AGBL1: variants seen among roughly 807,000 people sequenced by gnomAD.
AGBL1 encodes the protein cytosolic carboxypeptidase 4.
A neutral mutation model predicts 118.9 loss-of-function variants in AGBL1; 130 were observed. The ratio of observed to expected loss-of-function variants is 1.09; its 90% confidence interval spans 0.95 to 1.26. The LOEUF (loss-of-function observed/expected upper bound fraction) is 1.26. Among genes scored for constraint, AGBL1 ranks in the 50% most tolerant of loss-of-function variants. The pLI is 0.00. For synonymous variants in AGBL1, 555 were observed against 478.9 expected (o/e 1.16, Z -2.08); for missense variants, 1,584 against 1,298.1 (o/e 1.22, Z -3.38).
chr15:86,243,521 G>C (rs2078670700), intron 6 of AGBL1, among the ~76,000 whole-genome samples: 1 of 152,186 alleles, frequency 6.6e-6, no homozygotes, highest in South Asian at 2.1e-4. Context: ...GTTGTTCATG[G>C]ATTTGCCAAA....
intron 18 of AGBL1, among the ~76,000 whole-genome samples, chr15:86,467,168 G>GCC (rs753661760): frequency 1.9e-4 from 29 of 152,230 alleles, no homozygotes; most frequent in Non-Finnish European, 3.2e-4. Context: ...GAGAGGCCCT[G>GCC]CCCCGAGAGG....
intron 22 of AGBL1, among the ~76,000 whole-genome samples, chr15:86,745,848 A>G (rs1355953305): frequency 1.3e-5 from 2 of 152,034 alleles, no homozygotes; most frequent in African/African-American, 4.8e-5. Context: ...AACCCCAGGC[A>G]CTTGGTCTCA....
At chr15:86,998,258 T>C (rs151276856) in intron 24 of AGBL1, among the ~76,000 whole-genome samples, 13 of 152,328 alleles carry the variant, frequency 8.5e-5, no homozygotes, top group African/African-American at 2.6e-4. Context: ...CTGTAACATT[T>C]GTATTTCAAG....
intron 17 of AGBL1, among the ~76,000 whole-genome samples, chr15:86,299,340 A>T (rs2141791437): frequency 6.6e-6 from 1 of 152,192 alleles, no homozygotes; most frequent in Non-Finnish European, 1.5e-5. Context: ...GTAGCAGGGA[A>T]CCTTTACAAA....
chr15:86,135,323 T>C (rs2076874703), intron 1 of AGBL1, among the ~76,000 whole-genome samples: 1 of 152,250 alleles, frequency 6.6e-6, no homozygotes, highest in Non-Finnish European at 1.5e-5. Context: ...CCATGCTTCT[T>C]GTACAGCCTG....
At chr15:86,978,623 C>T (rs2081198557) in intron 23 of AGBL1, among the ~76,000 whole-genome samples, 1 of 152,102 alleles carries the variant, frequency 6.6e-6, no homozygotes, top group Admixed American at 6.5e-5. Flanking sequence ...CAAAGGATCC[C>T]AGGTGAAGGA....
intron 18 of AGBL1, among the ~76,000 whole-genome samples, chr15:86,406,517 C>T (rs577110147): frequency 6.6e-6 from 1 of 152,224 alleles, no homozygotes; most frequent in South Asian, 2.1e-4. Flanking sequence ...CACCTAAATT[C>T]AGGACTATTG....
At position 86,771,537 on chromosome 15, in the gene AGBL1, AT is replaced by A. The variant is rs2078180910; in HGVS notation, c.3158+97102del. Among the ~76,000 whole-genome samples the A allele has an allele frequency of 2.0e-5, 3 of 151,848 alleles. No homozygotes were observed. The East Asian group carries it at 5.8e-4, about 30-fold the overall frequency. On this transcript the variant is annotated intron_variant, in intron 22 of 22. Transcript: ENST00000614907. ...TCTTCTGTATTTCTTCTGGTTTGGT[AT>A]GGGGGAAAGATTACCCCTAACCCCC...
chr15:86,463,744 G>A (rs1006060851), intron 18 of AGBL1, among the ~76,000 whole-genome samples: 1 of 152,122 alleles, frequency 6.6e-6, no homozygotes, highest in Non-Finnish European at 1.5e-5. Flanking sequence ...AAGATCAGAT[G>A]GTTGTAGAAG....
chr15:86,739,207 G>A (rs1282482659), intron 22 of AGBL1, among the ~76,000 whole-genome samples: 1 of 152,000 alleles, frequency 6.6e-6, no homozygotes, highest in Non-Finnish European at 1.5e-5. Flanking sequence ...ACTTTGGGAG[G>A]CCAAGGCAGG....
chr15:86,594,001 C>A (rs754079704), intron 21 of AGBL1, among the ~76,000 whole-genome samples: 5 of 151,974 alleles, frequency 3.3e-5, no homozygotes, highest in Non-Finnish European at 5.9e-5. Context: ...TAGCTCACTG[C>A]AGCCTAGAAC....
chr15:86,370,611 C>T lies in AGBL1; in HGVS notation c.2375-26755C>T, dbSNP rs186822298. On this transcript the variant is annotated intron_variant, in intron 17 of 22. Coordinates refer to ENST00000614907, the MANE Select transcript of AGBL1 (RefSeq NM_001386094.1). The stretch of plus-strand genomic sequence containing the variant: ...TGCCTGGCCTGTTTCTATTCTTTAA[C>T]GCCAGGACAGGTGATACCTGCCCAA... Among the ~76,000 whole-genome samples the T allele has an allele frequency of 9.2e-4, 140 of 152,258 alleles. 1 individual carries two copies. The highest frequency in any genetic ancestry group is 1.6e-3 in the Non-Finnish European group (112 of 68,016).
chr15:86,769,171 G>GAGAGAGAGAGAGACAGAGAA (rs72260009), intron 22 of AGBL1, among the ~76,000 whole-genome samples: 14 of 118,532 alleles, frequency 1.2e-4, no homozygotes, highest in Non-Finnish European at 1.7e-4. Context: ...TTCTCATTTT[G>GAGAGAGAGAGAGACAGAGAA]AGAGGGAGAG....
At chr15:86,082,520 G>C (rs1402970156) in intron 1 of AGBL1, among the ~76,000 whole-genome samples, 1 of 152,242 alleles carries the variant, frequency 6.6e-6, no homozygotes, top group African/African-American at 2.4e-5. Context: ...TGGAGGGACA[G>C]AAAAGGCAAA....
At chr15:86,827,437 A>G (rs2079037406) in intron 22 of AGBL1, among the ~76,000 whole-genome samples, 2 of 10,512 alleles carry the variant, frequency 1.9e-4, no homozygotes, top group African/African-American at 1.2e-3. Context: ...ATACACATAT[A>G]TATATGTGTG....
rs188393828 is a variant in AGBL1 at position 86,737,457 on chromosome 15, C to T, written c.3158+63021C>T. 4.6e-5 allele frequency among the ~76,000 whole-genome samples: 7 copies of T among 152,292 alleles called. No homozygotes were observed. In the East Asian group the frequency reaches 1.4e-3, roughly 29 times the overall value. On this transcript the variant is annotated intron_variant, in intron 22 of 22. Transcript: ENST00000614907. ...AAGTTTGTTTCGTTTTCTTTTAAAT[C>T]ACCATTTCACAGACAAGAAAATGGA... is the stretch of plus-strand genomic sequence containing the variant.
intron 17 of AGBL1, among the ~76,000 whole-genome samples, chr15:86,318,636 C>T (rs1279210098): frequency 6.7e-6 from 1 of 149,942 alleles, no homozygotes; most frequent in Non-Finnish European, 1.5e-5. Context: ...ATCACTGAGC[C>T]TTTCAAAGGG....
At position 86,251,965 on chromosome 15, in the gene AGBL1, G is replaced by A. The variant is rs192178595; in HGVS notation, c.735+4086G>A. Among the ~76,000 whole-genome samples, 14 of 152,222 alleles carry A rather than the reference G, an allele frequency of 9.2e-5. 1 individual carries two copies. Among genetic ancestry groups the A allele is most frequent in the African/African-American group, 2.2e-4 (9 of 41,524 alleles). Reference sequence around the variant, plus strand: ...CTCTTTGGAGCTACAACAGTTTAAGGGGCCTGAAAGGTTGCTAAAATTGGT... The same window carrying A: ...CTCTTTGGAGCTACAACAGTTTAAGAGGCCTGAAAGGTTGCTAAAATTGGT... On this transcript the variant is annotated intron_variant, in intron 7 of 22. Transcript: ENST00000614907.
At chr15:86,766,416 T>C (rs940853980) in intron 22 of AGBL1, among the ~76,000 whole-genome samples, 1 of 152,160 alleles carries the variant, frequency 6.6e-6, no homozygotes, top group African/African-American at 2.4e-5. Flanking sequence ...TGGAGGATTT[T>C]GTAGGTCTAA....
Sources: allele counts gnomAD v4.1 joint callset (sites outside exome capture counted in the v4.1 genomes callset), GRCh38; gene constraint gnomAD v4.1.1; transcripts MANE v1.5; gene names NCBI Gene and HGNC (gene_info 2026-07-23, HGNC 2026-07-21).